The following DAB1 variants were observed in gnomAD, a reference collection of about 807,000 sequenced individuals.
DAB1 encodes disabled homolog 1.
A neutral mutation model predicts 64.6 loss-of-function variants in DAB1; 15 were observed. The observed-to-expected ratio is 0.23, with a 90% CI of 0.16 to 0.36. The LOEUF is 0.36. Ranked by LOEUF, DAB1 falls within the 10% of genes least tolerant of loss-of-function variation. DAB1 has a pLI of 1.00. For synonymous variants in DAB1, 235 were observed against 251.9 expected (o/e 0.93, Z 0.64); for missense variants, 596 against 706.7 (o/e 0.84, Z 1.78).
intron 1 of DAB1, among the ~76,000 whole-genome samples, chr1:57,873,626 T>C (rs1643991976): frequency 6.6e-6 from 1 of 152,158 alleles, no homozygotes; most frequent in Admixed American, 6.6e-5. Context: ...GCCCAATGTA[T>C]AGCAAAGGGT....
chr1:57,001,336 T>C (rs1250919847), intron 14 of DAB1, among the ~76,000 whole-genome samples: 2 of 152,340 alleles, frequency 1.3e-5, no homozygotes, highest in Admixed American at 6.5e-5. Context: ...TCCACGTCTC[T>C]GCCCTGCTTC....
chr1:57,916,214 G>A lies in DAB1; in HGVS notation n.388-32052C>T, dbSNP rs574109531. 8.1e-4 allele frequency among the ~76,000 whole-genome samples: 124 copies of A among 152,152 alleles called. 1 individual carries two copies. Among genetic ancestry groups the A allele is most frequent in the Non-Finnish European group, 1.6e-3 (106 of 68,026 alleles). ...GCCAAACCACCACCTCAGAGCAGGC[G>A]ATTCGACAGGCACTGACAGCTCCTG... is the stretch of plus-strand genomic sequence containing the variant. On this transcript the variant is annotated intron_variant and non_coding_transcript_variant, in intron 5 of 20. Transcript: ENST00000485760.
At chr1:57,708,156 A>G (rs544945870) in intron 6 of DAB1, among the ~76,000 whole-genome samples, 1 of 152,336 alleles carries the variant, frequency 6.6e-6, no homozygotes, top group East Asian at 1.9e-4. Context: ...GCAAGGCCCA[A>G]GACCACTTCA....
At chr1:58,520,948 A>G (rs554230653) in intron 2 of DAB1, among the ~76,000 whole-genome samples, 1 of 152,316 alleles carries the variant, frequency 6.6e-6, no homozygotes, top group South Asian at 2.1e-4. Flanking sequence ...CAAAATTGAC[A>G]CACTTGGCAA....
chr1:57,270,436 C>G (rs116160421), intron 2 of DAB1, among the ~76,000 whole-genome samples: 6 of 152,290 alleles, frequency 3.9e-5, no homozygotes, highest in African/African-American at 9.6e-5. Context: ...ATGTGACAGA[C>G]AGCATACTAA....
chr1:57,949,848 AACT>A (rs1645245395), intron 5 of DAB1, among the ~76,000 whole-genome samples: 2 of 152,180 alleles, frequency 1.3e-5, no homozygotes, highest in Admixed American at 6.6e-5. Flanking sequence ...AGTGTTTGAG[AACT>A]GCTTGCTAAC....
intron 7 of DAB1, among the ~76,000 whole-genome samples, chr1:57,576,444 A>G (rs1645250787): frequency 6.6e-6 from 1 of 152,212 alleles, no homozygotes; most frequent in African/African-American, 2.4e-5. Flanking sequence ...CCTTATAAGA[A>G]GAAGACAGAG....
chr1:57,824,935 T>C (rs888413400), downstream of DAB1, among the ~76,000 whole-genome samples: 1 of 152,128 alleles, frequency 6.6e-6, no homozygotes, highest in African/African-American at 2.4e-5. Flanking sequence ...CACTGATGAG[T>C]GGCCTTGGGG....
intron 3 of DAB1, among the ~76,000 whole-genome samples, chr1:57,136,849 A>T (rs955662673): frequency 1.3e-5 from 2 of 152,116 alleles, no homozygotes. Flanking sequence ...AACACATTGT[A>T]TAGAGAAATA....
At position 57,993,718 on chromosome 1, in the gene DAB1, A is replaced by G. The variant is rs547763783; in HGVS notation, n.388-109556T>C. On this transcript the variant is annotated intron_variant and non_coding_transcript_variant, in intron 5 of 20. Transcript: ENST00000485760. The stretch of plus-strand genomic sequence containing the variant: ...GAGTCCACAAGTCTTAGTGAAATAG[A>G]TGCAAATGTCACGTTTTAGAGCTCA... 4.4e-4 allele frequency among the ~76,000 whole-genome samples: 67 copies of G among 152,246 alleles called. 2 individuals are homozygous for G. The South Asian group carries it at 0.014, about 31-fold the overall frequency.
intron 3 of DAB1, among the ~76,000 whole-genome samples, chr1:58,498,206 T>C (rs1192044136): frequency 6.6e-6 from 1 of 152,086 alleles, no homozygotes; most frequent in Non-Finnish European, 1.5e-5. Context: ...TTGACATGTA[T>C]TTTAAACATT....
intron 2 of DAB1, among the ~76,000 whole-genome samples, chr1:57,288,278 G>GTGA (rs901364367): frequency 4.6e-5 from 7 of 152,124 alleles, no homozygotes; most frequent in East Asian, 1.9e-4. Flanking sequence ...CTATGCGATG[G>GTGA]TGATGATGAT....
At chr1:58,262,924 G>A (rs1661081175) in intron 4 of DAB1, among the ~76,000 whole-genome samples, 2 of 152,168 alleles carry the variant, frequency 1.3e-5, no homozygotes, top group African/African-American at 4.8e-5. Context: ...CTGAGTCCAA[G>A]AGTGAAAACA....
chr1:57,023,068 T>C (rs1279605179), intron 11 of DAB1, among the ~76,000 whole-genome samples: 1 of 152,262 alleles, frequency 6.6e-6, no homozygotes, highest in African/African-American at 2.4e-5. Flanking sequence ...TCTTGTCCCA[T>C]AGGGTGCTCC....
At chr1:57,180,236 T>C (rs1468354367) in intron 2 of DAB1, among the ~76,000 whole-genome samples, 1 of 152,202 alleles carries the variant, frequency 6.6e-6, no homozygotes, top group Non-Finnish European at 1.5e-5. Context: ...AAACTGCACC[T>C]TCCCCTTTCC....
chr1:57,249,079 ATTC>A (rs1187997091), intron 2 of DAB1, among the ~76,000 whole-genome samples: 4 of 152,234 alleles, frequency 2.6e-5, no homozygotes, highest in African/African-American at 9.6e-5. Context: ...TGAGTCAATT[ATTC>A]AATTGTCAAG....
intron 3 of DAB1, among the ~76,000 whole-genome samples, chr1:58,439,325 G>A (rs1039701045): frequency 1.3e-5 from 2 of 152,022 alleles, no homozygotes; most frequent in Admixed American, 6.5e-5. Flanking sequence ...GCTGAATACT[G>A]CTTCTCTGTA....
chr1:57,733,704 C>A (rs560878062), intron 6 of DAB1, among the ~76,000 whole-genome samples: 1 of 152,096 alleles, frequency 6.6e-6, no homozygotes, highest in East Asian at 1.9e-4. Context: ...CAAATGTTAA[C>A]ATAGAGGAAG....
At chr1:57,760,033 C>A (rs189088907) in intron 6 of DAB1, among the ~76,000 whole-genome samples, 43 of 152,102 alleles carry the variant, frequency 2.8e-4, no homozygotes, top group Middle Eastern at 3.4e-3. Context: ...AGAAGAGGAA[C>A]GGAAGGAAGC....
Sources: allele counts gnomAD v4.1 joint callset (sites outside exome capture counted in the v4.1 genomes callset), GRCh38; gene constraint gnomAD v4.1.1; transcripts MANE v1.5; gene names NCBI Gene and HGNC (gene_info 2026-07-23, HGNC 2026-07-21).